RNF43: variants seen among roughly 807,000 people sequenced by gnomAD.
The protein encoded by RNF43 is E3 ubiquitin-protein ligase RNF43.
A neutral mutation model predicts 78.4 loss-of-function variants in RNF43; 37 were observed. The observed-to-expected ratio is 0.47, with a 90% CI of 0.36 to 0.62. The LOEUF (loss-of-function observed/expected upper bound fraction) is 0.62, where lower values mean the gene tolerates loss of function less well. Among genes scored for constraint, RNF43 ranks in the 20% least tolerant of loss-of-function variants. RNF43 has a pLI of 0.00. For synonymous variants in RNF43, 347 were observed against 395.0 expected (o/e 0.88, Z 1.44); for missense variants, 774 against 1,007.9 (o/e 0.77, Z 3.14).
rs149856323 is a variant in RNF43 at position 58,416,214 on chromosome 17, T to G, written c.-385-252A>C. The G allele has an allele frequency of 1.0e-3, 160 of 154,224 alleles. 1 individual carries two copies. The highest frequency in any genetic ancestry group is 3.6e-3 in the African/African-American group (151 of 41,604). The allele number at this position is 154,224 out of a possible 1,614,324, so 9.6% of individuals were successfully genotyped here. On this transcript the variant is annotated intron_variant, in intron 1 of 9. Coordinates refer to ENST00000407977, the MANE Select transcript of RNF43 (RefSeq NM_017763.6). ...GCTACAATATGTATTTAGAAAAGTTTCCACATTAAACTGTATTTCAGTGTG... is the reference window on the plus strand; with the variant it reads ...GCTACAATATGTATTTAGAAAAGTTGCCACATTAAACTGTATTTCAGTGTG...
rs2143447336 is a variant in RNF43 at position 58,360,888 on chromosome 17, G to A, written c.744C>T (p.Tyr248=). The A allele has an allele frequency of 6.2e-7, 1 of 1,610,874 alleles. No individual in the cohort carries two copies. The highest frequency in any genetic ancestry group is 8.5e-7 in the Non-Finnish European group (1 of 1,178,224). Residue 248 remains tyrosine, a synonymous_variant, in exon 7 of 10, where the codon TAC becomes TAT. Coordinates refer to ENST00000407977, the MANE Select transcript of RNF43 (RefSeq NM_017763.6). The surrounding 1 kb of genome is among the most constrained non-coding windows in gnomAD (Gnocchi z 4.3). The part of the protein sequence containing the change: ...WAISQLATRR[Y]QASCRQARGE... The stretch of plus-strand genomic sequence containing the variant: ...CCCGGGCCTGCCTGCAGCTGGCCTG[G>A]TACCTCCTGGTGGCCAGCTGGCTGA...
intron 2 of RNF43, among the ~76,000 whole-genome samples, chr17:58,384,810 T>C (rs1262561899): frequency 6.6e-6 from 1 of 152,208 alleles, no homozygotes; most frequent in East Asian, 1.9e-4. Context: ...TGTTGCTTTC[T>C]TTTGCTGGCA....
At chr17:58,382,879 C>T (rs1282265094) in intron 2 of RNF43, among the ~76,000 whole-genome samples, 2 of 152,230 alleles carry the variant, frequency 1.3e-5, no homozygotes, top group African/African-American at 4.8e-5. Flanking sequence ...GACTAACTTG[C>T]TCTTGCTGTA....
intron 2 of RNF43, among the ~76,000 whole-genome samples, chr17:58,404,857 A>G (rs183223658): frequency 2.3e-4 from 35 of 152,246 alleles, no homozygotes; most frequent in Non-Finnish European, 4.7e-4. Context: ...TTTAAAGCTA[A>G]ATTTACTGTT....
intron 3 of RNF43, among the ~76,000 whole-genome samples, chr17:58,368,158 C>T (rs898434548): frequency 2.0e-5 from 3 of 152,226 alleles, no homozygotes; most frequent in Non-Finnish European, 4.4e-5. Flanking sequence ...AAAGCCAAAG[C>T]AGAGAGCAGA....
chr17:58,370,875 A>C, intron 3 of RNF43, 36 bp downstream of exon 3: 1 of 1,528,506 alleles, frequency 6.5e-7, no homozygotes. Context: ...AGCTGGGTGA[A>C]GCTCCGGGTG....
chr17:58,372,161 T>C (rs1159199471), intron 2 of RNF43, among the ~76,000 whole-genome samples: 1 of 152,220 alleles, frequency 6.6e-6, no homozygotes, highest in Non-Finnish European at 1.5e-5. Flanking sequence ...ATCTTGAATT[T>C]ATAAAGATGT....
At chr17:58,392,191 G>C (rs1239656093) in intron 2 of RNF43, among the ~76,000 whole-genome samples, 1 of 152,228 alleles carries the variant, frequency 6.6e-6, no homozygotes, top group African/African-American at 2.4e-5. Flanking sequence ...GAGCAGGATA[G>C]AGTAGGAAAC....
At chr17:58,371,232 A>G (rs1973089737) in intron 2 of RNF43, among the ~76,000 whole-genome samples, 199 bp from the exon 3 acceptor site, 1 of 152,218 alleles carries the variant, frequency 6.6e-6, no homozygotes, top group Non-Finnish European at 1.5e-5. Flanking sequence ...GGCCAAGGAC[A>G]CAGGTAGTGG....
At chr17:58,399,641 CA>C (rs1443290496) in intron 2 of RNF43, among the ~76,000 whole-genome samples, 1 of 151,202 alleles carries the variant, frequency 6.6e-6, no homozygotes. Context: ...AGAGTAGCAG[CA>C]ATTTTTTTTT....
At chr17:58,401,339 T>C (rs563384532) in intron 2 of RNF43, among the ~76,000 whole-genome samples, 4 of 152,380 alleles carry the variant, frequency 2.6e-5, no homozygotes, top group African/African-American at 9.6e-5. Context: ...CTCCTGATAT[T>C]GGAACATCCA....
chr17:58,415,235 A>G, intron 2 of RNF43, 91 bp downstream of exon 2: 1 of 1,362,094 alleles, frequency 7.3e-7, no homozygotes, highest in Non-Finnish European at 1.0e-6. Flanking sequence ...TAAGCAGTAG[A>G]AGCCCGTGTA....
chr17:58,360,733 T>G lies in RNF43; in HGVS notation c.849+50A>C. On this transcript the variant is annotated intron_variant, in intron 7 of 9. Transcript: ENST00000407977. The surrounding 1 kb of genome is among the most constrained non-coding windows in gnomAD (Gnocchi z 4.3). ...TAGGCCTGCCCACCCCTCCCCCAGC[T>G]TCAATCTCCCCAGTCTGGTCATGGA... is the stretch of plus-strand genomic sequence containing the variant. 8.1e-6 allele frequency: 12 copies of G among 1,480,766 alleles called. No homozygotes were observed. The highest frequency in any genetic ancestry group is 1.3e-5 in the South Asian group (1 of 78,528). The allele number at this position is 1,480,766 out of a possible 1,614,324, so 91.7% of individuals were successfully genotyped here.
At chr17:58,374,962 A>G (rs1598144540) in intron 2 of RNF43, among the ~76,000 whole-genome samples, 1 of 152,242 alleles carries the variant, frequency 6.6e-6, no homozygotes, top group Non-Finnish European at 1.5e-5. Flanking sequence ...CTATTACCCA[A>G]GCAAGATGCT....
At chr17:58,405,189 T>A (rs919974348) in intron 2 of RNF43, among the ~76,000 whole-genome samples, 1 of 148,056 alleles carries the variant, frequency 6.8e-6, no homozygotes, top group African/African-American at 2.5e-5. Flanking sequence ...GCCATTCTCC[T>A]GCCTCAGCCT....
Position 58,385,039 on chromosome 17 carries a change from C to T in RNF43, c.253-14006G>A, listed in dbSNP as rs150169222. Reference sequence around the variant, plus strand: ...TAAATTACTTCTGACCCAATAAATACGCGCTTCTTGACTCTTCACGTGTTG... The same window carrying T: ...TAAATTACTTCTGACCCAATAAATATGCGCTTCTTGACTCTTCACGTGTTG... On this transcript the variant is annotated intron_variant, in intron 2 of 9. Coordinates refer to ENST00000407977, the MANE Select transcript of RNF43 (RefSeq NM_017763.6). Among the ~76,000 whole-genome samples the T allele has an allele frequency of 4.7e-3, 710 of 152,290 alleles. 6 individuals are homozygous for T. The highest frequency in any genetic ancestry group is 7.5e-3 in the South Asian group (36 of 4,830).
At chr17:58,374,674 AG>A (rs1973171442) in intron 2 of RNF43, among the ~76,000 whole-genome samples, 1 of 152,104 alleles carries the variant, frequency 6.6e-6, no homozygotes, top group South Asian at 2.1e-4. Flanking sequence ...TACAGGCATG[AG>A]CCACCGTGTC....
chr17:58,363,732 C>T, intron 3 of RNF43, 132 bp from the exon 4 acceptor site: 3 of 725,108 alleles, frequency 4.1e-6, no homozygotes, highest in Non-Finnish European at 6.8e-6. Context: ...ACACTCACAT[C>T]TACCTATGCA....
At chr17:58,381,452 A>G (rs767564966) in intron 2 of RNF43, among the ~76,000 whole-genome samples, 1 of 152,220 alleles carries the variant, frequency 6.6e-6, no homozygotes, top group African/African-American at 2.4e-5. Context: ...GAACAAGGCA[A>G]ACAGACTGCT....
Sources: allele counts gnomAD v4.1 joint callset (sites outside exome capture counted in the v4.1 genomes callset), GRCh38; gene constraint gnomAD v4.1.1; non-coding constraint Gnocchi (gnomAD v3.1); transcripts MANE v1.5; gene names NCBI Gene and HGNC (gene_info 2026-07-23, HGNC 2026-07-21).